Variants in ERC2 observed in about 807,000 individuals in gnomAD.
ERC2 encodes ELKS/RAB6-interacting/CAST family member 2, also known as ERC protein 2.
In ERC2, 42 loss-of-function variants were observed where a neutral mutation model predicts 114.8. The ratio of observed to expected loss-of-function variants is 0.37; its 90% CI spans 0.29 to 0.47. ERC2 has a LOEUF of 0.47. Ranked by LOEUF, ERC2 falls within the 20% of genes least tolerant of loss-of-function variation. The pLI, the probability that ERC2 is intolerant of heterozygous loss-of-function variation, is 0.99. For missense variants in ERC2, 939 were observed against 1,150.7 expected, an observed-to-expected ratio of 0.82 and a Z score of 2.66; for synonymous variants, 454 against 425.5, an observed-to-expected ratio of 1.07 and a Z score of -0.82.
intron 6 of ERC2, among the ~76,000 whole-genome samples, chr3:56,115,069 T>A (rs1365266849): frequency 6.6e-6 from 1 of 152,192 alleles, no homozygotes; most frequent in Non-Finnish European, 1.5e-5. Flanking sequence ...TGAATTCTGA[T>A]GGATCAGCTG....
At chr3:55,574,229 G>C (rs1240831910) in intron 17 of ERC2, among the ~76,000 whole-genome samples, 1 of 152,158 alleles carries the variant, frequency 6.6e-6, no homozygotes, top group Non-Finnish European at 1.5e-5. Context: ...CATAGCCTGG[G>C]ATTTAAACCC....
intron 4 of ERC2, among the ~76,000 whole-genome samples, chr3:56,154,585 T>C (rs2081594312): frequency 1.3e-5 from 2 of 152,160 alleles, no homozygotes; most frequent in Non-Finnish European, 2.9e-5. Flanking sequence ...TGTGTGATCT[T>C]TGAAGTTATG....
intron 17 of ERC2, among the ~76,000 whole-genome samples, chr3:55,616,066 C>T (rs1311947236): frequency 6.6e-6 from 1 of 152,160 alleles, no homozygotes; most frequent in African/African-American, 2.4e-5. Context: ...GGTTTCCTTC[C>T]CAGGCCATCC....
At chr3:56,103,761 A>G (rs1398106450) in intron 6 of ERC2, among the ~76,000 whole-genome samples, 1 of 152,024 alleles carries the variant, frequency 6.6e-6, no homozygotes, top group Non-Finnish European at 1.5e-5. Flanking sequence ...CTATCTATCT[A>G]TCTATCTATC....
intron 17 of ERC2, among the ~76,000 whole-genome samples, chr3:55,642,756 G>A (rs1374686269): frequency 2.0e-5 from 3 of 152,120 alleles, no homozygotes; most frequent in Admixed American, 2.0e-4. Context: ...TGAAGGGAGA[G>A]GAATGGAGGA....
At chr3:56,275,603 C>G (rs1407599584) in intron 3 of ERC2, among the ~76,000 whole-genome samples, 6 of 152,202 alleles carry the variant, frequency 3.9e-5, no homozygotes, top group Admixed American at 6.5e-5. Flanking sequence ...CAGTGCATCT[C>G]AGACCTTCAT....
At chr3:56,047,956 T>C (rs1421078237) in intron 7 of ERC2, among the ~76,000 whole-genome samples, 1 of 152,180 alleles carries the variant, frequency 6.6e-6, no homozygotes, top group African/African-American at 2.4e-5. Context: ...CTAGATGCAG[T>C]GGAATTCCAA....
intron 2 of ERC2, among the ~76,000 whole-genome samples, chr3:56,385,645 A>G (rs1199143500): frequency 6.6e-6 from 1 of 152,192 alleles, no homozygotes; most frequent in Admixed American, 6.5e-5. Flanking sequence ...TGGCCATTTG[A>G]TCTATGTTAA....
At chr3:56,059,901 T>C (rs1301610101) in intron 7 of ERC2, among the ~76,000 whole-genome samples, 1 of 152,204 alleles carries the variant, frequency 6.6e-6, no homozygotes, top group Non-Finnish European at 1.5e-5. Context: ...TTATATTGAC[T>C]TTCCCTCTGC....
At chr3:56,467,494 C>T (rs1331126463) in intron 1 of ERC2, among the ~76,000 whole-genome samples, 1 of 152,156 alleles carries the variant, frequency 6.6e-6, no homozygotes, top group East Asian at 1.9e-4. Context: ...TTTTATTACC[C>T]CGAACCAAAG....
chr3:56,240,563 AT>A lies in ERC2; in HGVS notation c.1074+55455del, dbSNP rs557473619. ...AAATCATCTACCATATTTCTTCTGAATTTAAGACACCAACAATTATAAGAAG... is the reference window on the plus strand; with the variant it reads ...AAATCATCTACCATATTTCTTCTGAATTAAGACACCAACAATTATAAGAAG... On this transcript the variant is annotated intron_variant, in intron 3 of 17. Transcript: ENST00000288221. Among the ~76,000 whole-genome samples, 585 of 152,328 alleles carry A rather than the reference AT, an allele frequency of 3.8e-3. 5 individuals are homozygous for A. The highest frequency in any genetic ancestry group is 0.013 in the African/African-American group (558 of 41,580).
chr3:55,878,079 T>A (rs183573286), intron 14 of ERC2, among the ~76,000 whole-genome samples: 2 of 152,324 alleles, frequency 1.3e-5, no homozygotes, highest in East Asian at 3.9e-4. Context: ...CTAGCCCCCA[T>A]GCGGCTGCTG....
intron 2 of ERC2, among the ~76,000 whole-genome samples, chr3:56,355,229 A>T (rs2058699833): frequency 6.6e-6 from 1 of 152,198 alleles, no homozygotes; most frequent in African/African-American, 2.4e-5. Flanking sequence ...AGTTATGTGT[A>T]TATTAAGATG....
chr3:56,431,625 T>G (rs2061792987), intron 2 of ERC2, among the ~76,000 whole-genome samples: 1 of 152,218 alleles, frequency 6.6e-6, no homozygotes, highest in Non-Finnish European at 1.5e-5. Flanking sequence ...CAACAGGTAC[T>G]CCTATACTTC....
intron 17 of ERC2, among the ~76,000 whole-genome samples, chr3:55,578,277 C>T (rs2107550285): frequency 6.6e-6 from 1 of 152,218 alleles, no homozygotes; most frequent in Admixed American, 6.5e-5. Flanking sequence ...AAAATACAAA[C>T]ACCCTACAGG....
intron 2 of ERC2, among the ~76,000 whole-genome samples, chr3:56,395,421 T>C (rs1448271331): frequency 1.3e-5 from 2 of 152,168 alleles, no homozygotes; most frequent in Admixed American, 6.5e-5. Context: ...GATTGTAATG[T>C]AGTTTGGAAA....
intron 14 of ERC2, among the ~76,000 whole-genome samples, chr3:55,820,168 G>A (rs546720265): frequency 1.4e-3 from 220 of 152,254 alleles, no homozygotes; most frequent in African/African-American, 5.1e-3. Context: ...CCCACATGGA[G>A]GGTGGGGTTA....
At chr3:55,808,293 G>A (rs958736095) in intron 14 of ERC2, among the ~76,000 whole-genome samples, 1 of 152,080 alleles carries the variant, frequency 6.6e-6, no homozygotes, top group Non-Finnish European at 1.5e-5. Flanking sequence ...ACTCAATGAC[G>A]GCGTTAATTA....
chr3:56,227,429 T>TA (rs370289007), intron 3 of ERC2, among the ~76,000 whole-genome samples: 2,461 of 145,556 alleles, frequency 0.017, 55 homozygotes, highest in African/African-American at 0.053. Flanking sequence ...TTTTTTTAAT[T>TA]AAAAAAAAAA....
Sources: gnomAD v4.1 joint callset for allele counts (sites outside exome capture counted in the v4.1 genomes callset) on GRCh38, gnomAD v4.1.1 for gene constraint, MANE v1.5 for transcripts, NCBI Gene and HGNC (gene_info 2026-07-23, HGNC 2026-07-21) for gene names.